The following BBX variants were observed in gnomAD, a reference collection of about 807,000 sequenced individuals.
The protein encoded by BBX is HMG box transcription factor BBX.
A neutral mutation model predicts 100.2 loss-of-function variants in BBX; 30 were observed. The ratio of observed to expected loss-of-function variants is 0.30; its 90% CI spans 0.22 to 0.41. The LOEUF (loss-of-function observed/expected upper bound fraction) is 0.41, where lower values mean the gene tolerates loss of function less well. Among genes scored for constraint, BBX ranks in the 10% least tolerant of loss-of-function variants. The probability of loss-of-function intolerance (pLI) is 1.00; values close to 1 mark genes in which losing one functional copy is unlikely to be tolerated. For synonymous variants in BBX, 376 were observed against 388.1 expected (o/e 0.97, Z 0.37); for missense variants, 1,023 against 1,129.8 (o/e 0.91, Z 1.35).
intron 2 of BBX, chr3:107,599,337 C>T (rs932577673): frequency 2.6e-5 from 4 of 152,234 alleles, no homozygotes; most frequent in African/African-American, 4.8e-5. Context: ...TCCTGCTTCT[C>T]ATGAAAGCTG....
chr3:107,634,862 C>T (rs2056760526), intron 2 of BBX, among the ~76,000 whole-genome samples: 1 of 152,134 alleles, frequency 6.6e-6, no homozygotes, highest in African/African-American at 2.4e-5. Flanking sequence ...TAAACAAATA[C>T]TTTTGTTGTT....
chr3:107,615,814 C>T (rs1480924362), intron 2 of BBX, among the ~76,000 whole-genome samples: 2 of 151,984 alleles, frequency 1.3e-5, no homozygotes, highest in African/African-American at 2.4e-5. Context: ...AAGAGTGGTA[C>T]GGGCTTAAAA....
intron 9 of BBX, among the ~76,000 whole-genome samples, chr3:107,750,272 A>T (rs2064975202): frequency 6.6e-6 from 1 of 152,210 alleles, no homozygotes; most frequent in African/African-American, 2.4e-5. Flanking sequence ...TTTTAGCTAT[A>T]AAGTATATGC....
chr3:107,662,474 G>T (rs376062361), intron 3 of BBX: 1 of 152,068 alleles, frequency 6.6e-6, no homozygotes, highest in South Asian at 2.1e-4. Context: ...AACATAATTG[G>T]TATCCGCTGC....
chr3:107,729,086 A>G, intron 6 of BBX, 126 bp downstream of exon 6: 11 of 951,962 alleles, frequency 1.2e-5, no homozygotes, highest in Non-Finnish European at 1.7e-5. Flanking sequence ...GCAAAGATAT[A>G]GCATATTTTC....
intron 2 of BBX, among the ~76,000 whole-genome samples, chr3:107,597,075 G>A (rs2107608203): frequency 1.3e-5 from 2 of 152,246 alleles, no homozygotes; most frequent in Middle Eastern, 3.4e-3. Context: ...TGCTAATGGT[G>A]TAATTGCCAT....
chr3:107,732,958 C>A lies in BBX; in HGVS notation c.604C>A (p.Pro202Thr). The A allele has an allele frequency of 6.2e-7, 1 of 1,612,618 alleles. No homozygotes were observed. The highest frequency in any genetic ancestry group is 8.5e-7 in the Non-Finnish European group (1 of 1,179,292). Reference sequence around the variant, plus strand: ...TGATTTGTTTTTGACTTATTTAGATCCTACTCAAATGGGAGGCCTGAGTAT... The same window carrying A: ...TGATTTGTTTTTGACTTATTTAGATACTACTCAAATGGGAGGCCTGAGTAT... ...MPQLNFGMAD[P>T]TQMGGLSMLL... Residue 202 changes from proline to threonine, a missense_variant and splice_region_variant, in exon 7 of 18, where the codon CCT becomes ACT. Around this residue, in one of 9 missense-constraint regions of BBX, gnomAD observed 11 missense variants for 31.6 expected, o/e 0.35. Transcript: ENST00000325805.
At chr3:107,801,640 A>G (rs903012161) in intron 17 of BBX, among the ~76,000 whole-genome samples, 1 of 152,142 alleles carries the variant, frequency 6.6e-6, no homozygotes, top group African/African-American at 2.4e-5. Context: ...GACCAAGATT[A>G]TTAACCTCTC....
chr3:107,541,739 G>A (rs369244706), intron 2 of BBX, among the ~76,000 whole-genome samples: 3 of 152,116 alleles, frequency 2.0e-5, no homozygotes, highest in African/African-American at 4.8e-5. Flanking sequence ...AGATACCTGA[G>A]CTACTCCTAT....
rs139560802 is a variant in BBX, at chr3:107,743,997, A to T, written c.670-633A>T. The stretch of plus-strand genomic sequence containing the variant: ...TTTGTAATCAGAAAACAAGTTATTA[A>T]AAAGTATTTGTAACTTTCATTTTTT... On this transcript the variant is annotated intron_variant, in intron 7 of 17. Coordinates refer to ENST00000325805, the MANE Select transcript of BBX (RefSeq NM_001142568.3). 6.8e-3 allele frequency among the ~76,000 whole-genome samples: 1,019 copies of T among 150,600 alleles called. 10 individuals carry two copies. Among genetic ancestry groups the T allele is most frequent in the African/African-American group, 0.023 (931 of 40,946 alleles).
intron 2 of BBX, among the ~76,000 whole-genome samples, chr3:107,554,308 C>A (rs1301154123): frequency 2.6e-5 from 4 of 152,104 alleles, no homozygotes; most frequent in Non-Finnish European, 5.9e-5. Context: ...ATAAATTGGT[C>A]TTTTTTCACT....
At chr3:107,743,266 T>A (rs566494427) in intron 7 of BBX, among the ~76,000 whole-genome samples, 34 of 152,330 alleles carry the variant, frequency 2.2e-4, no homozygotes, top group African/African-American at 5.8e-4. Context: ...TTGATTTTTT[T>A]AAAATACCTC....
chr3:107,718,005 A>G (rs1304021377), intron 5 of BBX, among the ~76,000 whole-genome samples: 1 of 151,928 alleles, frequency 6.6e-6, no homozygotes, highest in Non-Finnish European at 1.5e-5. Flanking sequence ...ATGTGAAAAA[A>G]TAATTCTTCC....
intron 5 of BBX, among the ~76,000 whole-genome samples, chr3:107,718,189 T>G (rs1476573682): frequency 6.8e-6 from 1 of 148,010 alleles, no homozygotes; most frequent in African/African-American, 2.4e-5. Context: ...AATTATTAAT[T>G]ATATTAGTAT....
At chr3:107,584,094 ATT>A (rs2052566183) in intron 2 of BBX, among the ~76,000 whole-genome samples, 2 of 11,720 alleles carry the variant, frequency 1.7e-4, no homozygotes, top group Admixed American at 1.7e-3. Flanking sequence ...TATATCATAT[ATT>A]ATATATATTA....
intron 2 of BBX, among the ~76,000 whole-genome samples, chr3:107,591,330 CTT>C (rs1393800511): frequency 6.6e-6 from 1 of 152,056 alleles, no homozygotes; most frequent in African/African-American, 2.4e-5. Flanking sequence ...AGTTACAAAA[CTT>C]ACCTAAGAGT....
intron 2 of BBX, among the ~76,000 whole-genome samples, chr3:107,584,141 T>TAA (rs1491250745): frequency 0.018 from 424 of 23,650 alleles, 36 homozygotes; most frequent in Middle Eastern, 0.031. Flanking sequence ...ATTATATATA[T>TAA]TATATATAAT....
At chr3:107,594,878 T>G (rs918162447) in intron 2 of BBX, among the ~76,000 whole-genome samples, 2 of 152,238 alleles carry the variant, frequency 1.3e-5, no homozygotes, top group African/African-American at 4.8e-5. Context: ...AAAGATGCTG[T>G]TATTACCTTT....
At position 107,697,449 on chromosome 3, in the gene BBX, AC is replaced by A. The variant is rs2060700463; in HGVS notation, c.-9-13001del. On this transcript the variant is annotated intron_variant, in intron 3 of 17. Coordinates refer to ENST00000325805, the MANE Select transcript of BBX (RefSeq NM_001142568.3). ...CCCTCAGCTGCAGGTCTGTTGGAGTACCTGGCCTTGTGAGGTGTCAGTCTGC... is the reference window on the plus strand; with the variant it reads ...CCCTCAGCTGCAGGTCTGTTGGAGTACTGGCCTTGTGAGGTGTCAGTCTGC... 9.2e-5 allele frequency among the ~76,000 whole-genome samples: 14 copies of A among 151,764 alleles called. No homozygotes were observed. The South Asian group carries it at 2.3e-3, about 25-fold the overall frequency.
Sources: gnomAD v4.1 joint callset for allele counts (sites outside exome capture counted in the v4.1 genomes callset) on GRCh38, gnomAD v4.1.1 for gene constraint, gnomAD v4.1.1 regional missense constraint, MANE v1.5 for transcripts, NCBI Gene and HGNC (gene_info 2026-07-23, HGNC 2026-07-21) for gene names.